Variants in CWC27 observed in about 807,000 individuals in gnomAD.
The protein encoded by CWC27 is CWC27 spliceosome associated cyclophilin, also known as spliceosome-associated protein CWC27 homolog.
A neutral mutation model predicts 63.6 loss-of-function variants in CWC27; 47 were observed. The observed-to-expected ratio is 0.74, with a 90% CI of 0.58 to 0.94. CWC27 has a LOEUF of 0.94. CWC27 is among the 40% of genes least tolerant of loss of function. CWC27 has a pLI of 0.00. For missense variants in CWC27, 495 were observed against 554.3 expected, an observed-to-expected ratio of 0.89 and a Z score of 1.07; for synonymous variants, 175 against 179.8, an observed-to-expected ratio of 0.97 and a Z score of 0.22.
chr5:64,771,939 C>T (rs1254853738), intron 1 of CWC27, among the ~76,000 whole-genome samples: 1 of 152,184 alleles, frequency 6.6e-6, no homozygotes, highest in African/African-American at 2.4e-5. Context: ...CAAAAAACCA[C>T]GTAATAATGA....
intron 10 of CWC27, chr5:64,807,632 G>A (rs747254935): frequency 6.5e-7 from 1 of 1,535,628 alleles, no homozygotes. Context: ...TTGACTACTG[G>A]ATACAGCTCA....
intron 7 of CWC27, among the ~76,000 whole-genome samples, chr5:64,793,527 A>C (rs1744150344): frequency 6.6e-6 from 1 of 152,130 alleles, no homozygotes; most frequent in African/African-American, 2.4e-5. Context: ...AGCACTGTTC[A>C]AATACCTTGG....
chr5:64,771,711 GA>G (rs1342107222), intron 1 of CWC27, among the ~76,000 whole-genome samples: 4 of 152,126 alleles, frequency 2.6e-5, no homozygotes, highest in African/African-American at 9.7e-5. Flanking sequence ...TAAGAAACAT[GA>G]TATTATCAAG....
intron 11 of CWC27, among the ~76,000 whole-genome samples, chr5:64,885,949 A>G (rs1048374078): frequency 2.6e-5 from 4 of 152,124 alleles, no homozygotes; most frequent in African/African-American, 9.7e-5. Context: ...ATGTTTATAT[A>G]TATATTGCAT....
chr5:64,969,536 CCTT>C lies in CWC27; in HGVS notation c.1043-2162_1043-2160del, dbSNP rs1313156792. On this transcript the variant is annotated intron_variant, in intron 11 of 13. Coordinates refer to ENST00000381070, the MANE Select transcript of CWC27 (RefSeq NM_005869.4). ...ATTACCCTACACCTTCTTATTTTCC[CCTT>C]CTTCAATTACATTATTACTTCATTT... Among the ~76,000 whole-genome samples the C allele has an allele frequency of 5.9e-5, 9 of 152,116 alleles. No individual in the cohort carries two copies. The East Asian group carries it at 1.7e-3, about 29-fold the overall frequency.
At chr5:64,923,894 C>T (rs914285499) in intron 11 of CWC27, among the ~76,000 whole-genome samples, 1 of 151,906 alleles carries the variant, frequency 6.6e-6, no homozygotes, top group African/African-American at 2.4e-5. Context: ...ACTAGTTGTA[C>T]CACTCTTTTT....
At chr5:64,986,102 T>A (rs1346793240) in intron 13 of CWC27, among the ~76,000 whole-genome samples, 1 of 152,052 alleles carries the variant, frequency 6.6e-6, no homozygotes, top group Non-Finnish European at 1.5e-5. Flanking sequence ...GCCACCACAA[T>A]AAAGAAGGAC....
intron 10 of CWC27, among the ~76,000 whole-genome samples, chr5:64,839,924 C>T (rs1283831300): frequency 6.6e-6 from 1 of 152,110 alleles, no homozygotes; most frequent in Non-Finnish European, 1.5e-5. Flanking sequence ...GGACTCCTGA[C>T]ACATCCTATA....
intron 10 of CWC27, among the ~76,000 whole-genome samples, chr5:64,860,980 G>C (rs909157724): frequency 3.9e-5 from 6 of 152,090 alleles, no homozygotes; most frequent in Non-Finnish European, 8.8e-5. Context: ...GGTACAAATT[G>C]GATGGTTCAT....
chr5:64,945,588 C>A (rs940635131), intron 11 of CWC27, among the ~76,000 whole-genome samples: 1 of 152,142 alleles, frequency 6.6e-6, no homozygotes, highest in African/African-American at 2.4e-5. Flanking sequence ...CCTCTCATTT[C>A]TCTCTGACAA....
At chr5:64,840,380 AAAAAAAAAAAAAAAATATATAT>A (rs1745780275) in intron 10 of CWC27, among the ~76,000 whole-genome samples, 3 of 70,202 alleles carry the variant, frequency 4.3e-5, no homozygotes, top group African/African-American at 1.9e-4. Flanking sequence ...AAAAAAAAAA[AAAAAAAAAAAAAAAATATATAT>A]ATATATATAT....
chr5:64,997,990 T>G (rs1749667240), intron 13 of CWC27, among the ~76,000 whole-genome samples: 1 of 152,152 alleles, frequency 6.6e-6, no homozygotes, highest in Non-Finnish European at 1.5e-5. Flanking sequence ...ACCAACGTGG[T>G]CCTTTATAAA....
At chr5:64,872,838 T>C (rs1056553444) in intron 10 of CWC27, among the ~76,000 whole-genome samples, 1 of 152,144 alleles carries the variant, frequency 6.6e-6, no homozygotes, top group African/African-American at 2.4e-5. Context: ...TAGACGTCTG[T>C]CTTCACAACA....
At chr5:64,857,077 T>C (rs999187522) in intron 10 of CWC27, among the ~76,000 whole-genome samples, 1 of 152,210 alleles carries the variant, frequency 6.6e-6, no homozygotes, top group Non-Finnish European at 1.5e-5. Context: ...GGAGATGTTA[T>C]AAGCTCATGC....
At chr5:64,794,312 C>T (rs1744181171) in intron 7 of CWC27, among the ~76,000 whole-genome samples, 1 of 151,982 alleles carries the variant, frequency 6.6e-6, no homozygotes, top group Non-Finnish European at 1.5e-5. Flanking sequence ...ATACTTCTGA[C>T]CAAAGGGTGC....
At chr5:65,007,014 G>GA (rs1173382853) in intron 13 of CWC27, among the ~76,000 whole-genome samples, 1 of 136,794 alleles carries the variant, frequency 7.3e-6, no homozygotes, top group Non-Finnish European at 1.6e-5. Flanking sequence ...AAGAAAGAAA[G>GA]AAAGAAAGAA....
In CWC27 at chr5:64,873,137, G is replaced by A. The variant is rs114594297; in HGVS notation, c.939-12306G>A. 3.9e-3 allele frequency among the ~76,000 whole-genome samples: 599 copies of A among 152,288 alleles called. 9 individuals carry two copies. The highest frequency in any genetic ancestry group is 7.5e-3 in the South Asian group (36 of 4,824). On this transcript the variant is annotated intron_variant, in intron 10 of 13. Transcript: ENST00000381070. ...CACCTAAAAATATTCTGTGAACACG[G>A]AAGGTGTACAAAAGGAATGCATAAG...
intron 2 of CWC27, among the ~76,000 whole-genome samples, chr5:64,780,845 G>GT (rs1283321752): frequency 2.0e-5 from 3 of 151,906 alleles, no homozygotes; most frequent in African/African-American, 4.8e-5. Context: ...TTCTTTTAAG[G>GT]TTTTTGATGT....
In CWC27 at chr5:64,801,329, T is replaced by C; in HGVS notation, c.777T>C (p.Val259=). 7.2e-7 allele frequency: 1 copy of C among 1,390,104 alleles called. No homozygotes were observed. The highest frequency in any genetic ancestry group is 1.4e-5 in the South Asian group (1 of 73,086). The allele number at this position is 1,390,104 out of a possible 1,614,324, so 86.1% of individuals were successfully genotyped here. A position where few individuals can be genotyped will look rare whatever the true frequency, so the allele number is the denominator to read the frequency against. ...ESEKGDAPDL[V]DDGEDESAEH... ...AAAAAGGTGATGCACCAGATTTAGTTGATGTAAGTATTTATTTTGGTATTA... is the reference window on the plus strand; with the variant it reads ...AAAAAGGTGATGCACCAGATTTAGTCGATGTAAGTATTTATTTTGGTATTA... Residue 259 remains valine, a synonymous_variant, in exon 9 of 14, where the codon GTT becomes GTC. Coordinates refer to ENST00000381070, the MANE Select transcript of CWC27 (RefSeq NM_005869.4).
Sources: gnomAD v4.1 joint callset for allele counts (sites outside exome capture counted in the v4.1 genomes callset) on GRCh38, gnomAD v4.1.1 for gene constraint, MANE v1.5 for transcripts, NCBI Gene and HGNC (gene_info 2026-07-23, HGNC 2026-07-21) for gene names.